USP6NL: variants seen among roughly 807,000 people sequenced by gnomAD.
The protein encoded by USP6NL is USP6 N-terminal-like protein.
USP6NL carries 26 observed loss-of-function variants against 61.9 expected under a neutral mutation model. The ratio of observed to expected loss-of-function variants is 0.42; its 90% confidence interval spans 0.31 to 0.58. The LOEUF is 0.58. Ranked by LOEUF, USP6NL falls within the 20% of genes least tolerant of loss-of-function variation. The pLI is 0.16. For missense variants in USP6NL, 1,114 were observed against 1,034.3 expected, an observed-to-expected ratio of 1.08 and a Z score of -1.06; for synonymous variants, 432 against 390.1, an observed-to-expected ratio of 1.11 and a Z score of -1.27.
rs142649349 is a variant in USP6NL at position 11,528,128 on chromosome 10, G to GACACACACACACACACAC, written c.5-579_5-562dup. ...ACATATGTGTGTGGACACACACACA[G>GACACACACACACACACAC]ACACACACACACACACACACACACA... On this transcript the variant is annotated intron_variant, in intron 2 of 14. Transcript: ENST00000609104. This position sits in a 1 kb window ranked among gnomAD's most constrained non-coding sequence, Gnocchi z 4.6. Among the ~76,000 whole-genome samples, 5 of 142,262 alleles carry GACACACACACACACACAC rather than the reference G, an allele frequency of 3.5e-5. No homozygotes were observed. The highest frequency in any genetic ancestry group is 7.7e-5 in the Non-Finnish European group (5 of 64,622). 93.3% of individuals were successfully genotyped at this position (142,262 alleles called of 152,430 possible). A position where few individuals can be genotyped will look rare whatever the true frequency, so the allele number is the denominator to read the frequency against.
In USP6NL at chr10:11,462,337, G is replaced by C. The variant is rs1440528294; in HGVS notation, c.*104C>G. 8 of 1,288,138 alleles carry C rather than the reference G, an allele frequency of 6.2e-6. No individual in the cohort carries two copies. Among genetic ancestry groups the C allele is most frequent in the Non-Finnish European group, 7.3e-6 (7 of 953,866 alleles). The allele number at this position is 1,288,138 out of a possible 1,614,324, so 79.8% of individuals were successfully genotyped here. A position where few individuals can be genotyped will look rare whatever the true frequency, so the allele number is the denominator to read the frequency against. On this transcript the variant is annotated 3_prime_UTR_variant, in exon 15 of 15. Coordinates refer to ENST00000609104, the MANE Select transcript of USP6NL (RefSeq NM_014688.5). ...TACTACTAACAGACAGGAGAGATGTGCGAGTTGTTTACAATAGTATAAATA... is the reference window on the plus strand; with the variant it reads ...TACTACTAACAGACAGGAGAGATGTCCGAGTTGTTTACAATAGTATAAATA...
At chr10:11,483,630 A>G (rs1398980309) in intron 13 of USP6NL, among the ~76,000 whole-genome samples, 1 of 256 alleles carries the variant, frequency 3.9e-3, no homozygotes, top group Admixed American at 0.025. Context: ...GGAGAAGGGG[A>G]GGGAGAGGGG....
chr10:11,527,454 G>A, intron 3 of USP6NL, 46 bp downstream of exon 3: 1 of 1,525,072 alleles, frequency 6.6e-7, no homozygotes, highest in Non-Finnish European at 8.9e-7. Context: ...TATTTATATG[G>A]TTTTTCTAAT....
At chr10:11,543,808 T>G (rs1276148712) in intron 2 of USP6NL, among the ~76,000 whole-genome samples, 1 of 119,340 alleles carries the variant, frequency 8.4e-6, no homozygotes, top group Admixed American at 8.2e-5. Context: ...TTTAGGTTTT[T>G]TTTTTTTTTT....
chr10:11,603,896 A>G (rs1344091592), intron 1 of USP6NL, among the ~76,000 whole-genome samples: 1 of 152,178 alleles, frequency 6.6e-6, no homozygotes, highest in Non-Finnish European at 1.5e-5. Flanking sequence ...AGAGAGGAAA[A>G]TTCCTGTAGG....
rs1392838661 is a variant in USP6NL at position 11,489,066 on chromosome 10, C to T, written c.664+36G>A. 3 of 1,605,108 alleles carry T rather than the reference C, an allele frequency of 1.9e-6. No individual in the cohort carries two copies. Among genetic ancestry groups the T allele is most frequent in the Non-Finnish European group, 1.7e-6 (2 of 1,175,394 alleles). On this transcript the variant is annotated intron_variant, in intron 10 of 14. Coordinates refer to ENST00000609104, the MANE Select transcript of USP6NL (RefSeq NM_014688.5). This position sits in a 1 kb window ranked among gnomAD's most constrained non-coding sequence, Gnocchi z 5.7. Reference sequence around the variant, plus strand: ...TTGTTTTAATCTACTTTTTTCCCTACCTTGATTGTTTAGATAAAGCACAGG... The same window carrying T: ...TTGTTTTAATCTACTTTTTTCCCTATCTTGATTGTTTAGATAAAGCACAGG...
At chr10:11,572,497 A>G (rs1441028288) in intron 2 of USP6NL, among the ~76,000 whole-genome samples, 1 of 152,086 alleles carries the variant, frequency 6.6e-6, no homozygotes, top group Admixed American at 6.6e-5. Flanking sequence ...GAAATAAAAA[A>G]AAAAAGACAA....
In USP6NL at chr10:11,596,726, T is replaced by C. The variant is rs1019857051; in HGVS notation, c.4+905A>G. 2.0e-5 allele frequency among the ~76,000 whole-genome samples: 3 copies of C among 151,974 alleles called. No homozygotes were observed. The highest frequency in any genetic ancestry group is 4.4e-5 in the Non-Finnish European group (3 of 67,992). On this transcript the variant is annotated intron_variant, in intron 2 of 14. Coordinates refer to ENST00000609104, the MANE Select transcript of USP6NL (RefSeq NM_014688.5). The surrounding 1 kb of genome is among the most constrained non-coding windows in gnomAD (Gnocchi z 4.1). ...ACCGAAAAAGTATACCACTGAAAAG[T>C]CAAAAATCAAAGACCGTTCCTTACA...
intron 2 of USP6NL, among the ~76,000 whole-genome samples, chr10:11,569,069 G>C (rs962261090): frequency 2.0e-5 from 3 of 151,970 alleles, no homozygotes; most frequent in Non-Finnish European, 4.4e-5. Flanking sequence ...TTTTGTCAAG[G>C]GCATGAATCC....
Position 11,598,428 on chromosome 10 carries a change from T to C in USP6NL, c.-83-711A>G, listed in dbSNP as rs1273562521. 6.6e-6 allele frequency among the ~76,000 whole-genome samples: 1 copy of C among 152,316 alleles called. No homozygotes were observed. Among genetic ancestry groups the C allele is most frequent in the East Asian group, 1.9e-4 (1 of 5,192 alleles). ...AAACATCAACTTGTGTTAGTATTAATACAAACTTAACCCTTTGCTAAGATT... is the reference window on the plus strand; with the variant it reads ...AAACATCAACTTGTGTTAGTATTAACACAAACTTAACCCTTTGCTAAGATT... On this transcript the variant is annotated intron_variant, in intron 1 of 14. Coordinates refer to ENST00000609104, the MANE Select transcript of USP6NL (RefSeq NM_014688.5). The surrounding 1 kb of genome is among the most constrained non-coding windows in gnomAD (Gnocchi z 4.7).
At chr10:11,498,212 G>A (rs1002953639) in intron 7 of USP6NL, among the ~76,000 whole-genome samples, 3 of 137,406 alleles carry the variant, frequency 2.2e-5, no homozygotes, top group African/African-American at 8.5e-5. Flanking sequence ...CTCCAGCCTG[G>A]GCAACAGAGT....
chr10:11,569,922 T>C (rs1361064556), intron 2 of USP6NL, among the ~76,000 whole-genome samples: 1 of 152,194 alleles, frequency 6.6e-6, no homozygotes, highest in East Asian at 1.9e-4. Flanking sequence ...ATTCTTCATG[T>C]TTGGGCACCT....
Position 11,487,876 on chromosome 10 carries a change from AG to A in USP6NL, c.664+1225del, listed in dbSNP as rs1488900992. On this transcript the variant is annotated intron_variant, in intron 10 of 14. Coordinates refer to ENST00000609104, the MANE Select transcript of USP6NL (RefSeq NM_014688.5). This position sits in a 1 kb window ranked among gnomAD's most constrained non-coding sequence, Gnocchi z 4.2. ...TGAGACTTCACAAACAATGGGCTATAGAAAGTCATAATTTTGAAAATATTAA... is the reference window on the plus strand; with the variant it reads ...TGAGACTTCACAAACAATGGGCTATAAAAGTCATAATTTTGAAAATATTAA... Among the ~76,000 whole-genome samples, 1 of 152,228 alleles carries A rather than the reference AG, an allele frequency of 6.6e-6. No individual in the cohort carries two copies. The highest frequency in any genetic ancestry group is 2.4e-5 in the African/African-American group (1 of 41,454).
At chr10:11,541,274 T>TATATAA in intron 2 of USP6NL, among the ~76,000 whole-genome samples, 1 of 122,700 alleles carries the variant, frequency 8.1e-6, no homozygotes, top group Non-Finnish European at 1.7e-5. Context: ...TATATATATA[T>TATATAA]ATGTATGTCA....
Position 11,462,905 on chromosome 10 carries a change from G to C in USP6NL, c.2023C>G (p.Leu675Val). Residue 675 changes from leucine (L) to valine (V), a missense_variant, in exon 15 of 15, where the codon CTT becomes GTT. Coordinates refer to ENST00000609104, the MANE Select transcript of USP6NL (RefSeq NM_014688.5). ...NPSRRPHGST[L>V]SVSASPEKSY... Reference sequence around the variant, plus strand: ...TTCTCCGGAGAAGCACTGACGGAAAGAGTAGAACCATGAGGTCTCCTGGAA... The same window carrying C: ...TTCTCCGGAGAAGCACTGACGGAAACAGTAGAACCATGAGGTCTCCTGGAA... 1.2e-6 allele frequency: 2 copies of C among 1,613,662 alleles called. No individual in the cohort carries two copies. The highest frequency in any genetic ancestry group is 1.1e-5 in the South Asian group (1 of 91,030).
chr10:11,562,545 C>T lies in USP6NL; in HGVS notation c.5-34978G>A. 6.1e-6 allele frequency: 6 copies of T among 985,386 alleles called. No individual in the cohort carries two copies. The highest frequency in any genetic ancestry group is 7.2e-6 in the Non-Finnish European group (6 of 829,926). 61.0% of individuals were successfully genotyped at this position (985,386 alleles called of 1,614,324 possible). On this transcript the variant is annotated intron_variant, in intron 2 of 14. Coordinates refer to ENST00000609104, the MANE Select transcript of USP6NL (RefSeq NM_014688.5). The surrounding 1 kb of genome is among the most constrained non-coding windows in gnomAD (Gnocchi z 4.8). ...AGACATTGCTTGGCCACTGTGACTA[C>T]TCTGAGTCTAGCTAGCCTGGACTGT...
rs1248013726 is a variant in USP6NL, at chr10:11,518,445, T to C, written c.195+90A>G. On this transcript the variant is annotated intron_variant, in intron 5 of 14. Coordinates refer to ENST00000609104, the MANE Select transcript of USP6NL (RefSeq NM_014688.5). This position sits in a 1 kb window ranked among gnomAD's most constrained non-coding sequence, Gnocchi z 5.3. ...ATGACTGTACCATTCCCATATAATA[T>C]GGCACTTAAAATCACAAAGGTGGTC... 1.8e-6 allele frequency: 2 copies of C among 1,107,946 alleles called. No homozygotes were observed. The highest frequency in any genetic ancestry group is 3.1e-5 in the African/African-American group (2 of 64,348). 68.6% of individuals were successfully genotyped at this position (1,107,946 alleles called of 1,614,324 possible). A position where few individuals can be genotyped will look rare whatever the true frequency, so the allele number is the denominator to read the frequency against.
intron 2 of USP6NL, among the ~76,000 whole-genome samples, chr10:11,590,649 T>C (rs1447552035): frequency 1.3e-5 from 2 of 152,012 alleles, no homozygotes; most frequent in Non-Finnish European, 2.9e-5. Flanking sequence ...GTACATCAAC[T>C]CTAATAACAC....
At chr10:11,523,783 TA>T (rs1434083410) in intron 4 of USP6NL, among the ~76,000 whole-genome samples, 1 of 152,100 alleles carries the variant, frequency 6.6e-6, no homozygotes, top group Non-Finnish European at 1.5e-5. Flanking sequence ...ATTTAAAAAA[TA>T]AAAATAAAAA....
Sources: allele counts gnomAD v4.1 joint callset (sites outside exome capture counted in the v4.1 genomes callset), GRCh38; gene constraint gnomAD v4.1.1; non-coding constraint Gnocchi (gnomAD v3.1); transcripts MANE v1.5; gene names NCBI Gene and HGNC (gene_info 2026-07-23, HGNC 2026-07-21).